Variants in RASGEF1A observed in about 807,000 individuals in gnomAD.
The protein encoded by RASGEF1A is RasGEF domain family member 1A.
A neutral mutation model predicts 56.4 loss-of-function variants in RASGEF1A; 18 were observed. That is an observed-to-expected ratio of 0.32 (90% CI 0.22 to 0.47). The LOEUF (loss-of-function observed/expected upper bound fraction) is 0.47. Among genes scored for constraint, RASGEF1A ranks in the 20% least tolerant of loss-of-function variants. The pLI, the probability that RASGEF1A is intolerant of heterozygous loss-of-function variation, is 1.00. For synonymous variants in RASGEF1A, 245 were observed against 242.6 expected, an observed-to-expected ratio of 1.01 and a Z score of -0.09; for missense variants, 422 against 627.1, an observed-to-expected ratio of 0.67 and a Z score of 3.49.
intron 2 of RASGEF1A, chr10:43,203,634 C>A: frequency 8.3e-7 from 1 of 1,198,790 alleles, no homozygotes; most frequent in East Asian, 3.7e-5. Flanking sequence ...GCTCGAGCCC[C>A]GCCTCCCAGC....
Position 43,196,920 on chromosome 10 carries a change from C to T in RASGEF1A, c.1348+56G>A. The T allele has an allele frequency of 3.1e-6, 5 of 1,599,632 alleles. No homozygotes were observed. Among genetic ancestry groups the T allele is most frequent in the Non-Finnish European group, 4.3e-6 (5 of 1,174,054 alleles). ...AGGGCAACCCCAAAGAGCACCGGGCCTGGACAAGGAGTCAGGTGGGGTGGG... is the reference window on the plus strand; with the variant it reads ...AGGGCAACCCCAAAGAGCACCGGGCTTGGACAAGGAGTCAGGTGGGGTGGG... On this transcript the variant is annotated intron_variant, in intron 11 of 12. Transcript: ENST00000395810. The surrounding 1 kb of genome is among the most constrained non-coding windows in gnomAD (Gnocchi z 4.6).
intron 1 of RASGEF1A, among the ~76,000 whole-genome samples, chr10:43,249,786 C>G (rs997469611): frequency 4.6e-5 from 7 of 152,196 alleles, no homozygotes; most frequent in African/African-American, 1.7e-4. Flanking sequence ...AGAGTGTCCC[C>G]CAATCCTCAG....
intron 1 of RASGEF1A, among the ~76,000 whole-genome samples, chr10:43,266,171 C>T (rs1246709694): frequency 6.6e-6 from 1 of 152,218 alleles, no homozygotes; most frequent in Non-Finnish European, 1.5e-5. Flanking sequence ...CAGCAGGGGA[C>T]TCCCGCCCCC....
intron 1 of RASGEF1A, chr10:43,229,512 CGGGTCCTCAGGGCG>C (rs1280944813): frequency 9.8e-6 from 7 of 711,086 alleles, no homozygotes; most frequent in African/African-American, 3.8e-5. Context: ...GGGCGGCGCG[CGGGTCCTCAGGGCG>C]GGCACCCTCC....
chr10:43,208,823 T>C (rs1253848068), intron 1 of RASGEF1A: 6 of 985,348 alleles, frequency 6.1e-6, no homozygotes, highest in Non-Finnish European at 7.2e-6. Context: ...TCTCCAGGGC[T>C]CAGTGCCAAG....
intron 4 of RASGEF1A, among the ~76,000 whole-genome samples, chr10:43,201,235 T>C (rs766244287): frequency 2.1e-4 from 32 of 152,142 alleles, no homozygotes; most frequent in Non-Finnish European, 4.4e-4. Flanking sequence ...GTTTAAGGCA[T>C]GGGAAAGGCT....
At chr10:43,200,455 C>T (rs1839876372) in intron 5 of RASGEF1A, among the ~76,000 whole-genome samples, 199 bp from the exon 6 acceptor site, 1 of 152,248 alleles carries the variant, frequency 6.6e-6, no homozygotes, top group Admixed American at 6.5e-5. Context: ...ACTGACACAG[C>T]ACTGCTGTGT....
chr10:43,219,608 A>G (rs1840181344), intron 1 of RASGEF1A, among the ~76,000 whole-genome samples: 1 of 152,158 alleles, frequency 6.6e-6, no homozygotes, highest in African/African-American at 2.4e-5. Flanking sequence ...CCAGCCCTGG[A>G]GTCAGCCCCG....
At chr10:43,263,930 C>T (rs569861578) in intron 1 of RASGEF1A, among the ~76,000 whole-genome samples, 7 of 152,240 alleles carry the variant, frequency 4.6e-5, no homozygotes, top group South Asian at 2.1e-4. Context: ...GCACAGGCCC[C>T]GCTTGAGTCC....
chr10:43,254,062 C>G (rs528698416), intron 1 of RASGEF1A, among the ~76,000 whole-genome samples: 1 of 152,202 alleles, frequency 6.6e-6, no homozygotes, highest in Non-Finnish European at 1.5e-5. Flanking sequence ...AGAGGGCAGA[C>G]GGAGACTCAC....
intron 1 of RASGEF1A, among the ~76,000 whole-genome samples, chr10:43,230,652 G>A (rs1012497155): frequency 1.3e-5 from 2 of 152,144 alleles, no homozygotes; most frequent in African/African-American, 4.8e-5. Flanking sequence ...GAGAGGCTCT[G>A]ACAACTCTGG....
intron 1 of RASGEF1A, among the ~76,000 whole-genome samples, chr10:43,213,608 C>T (rs761733165): frequency 6.6e-6 from 1 of 152,152 alleles, no homozygotes; most frequent in African/African-American, 2.4e-5. Flanking sequence ...GCAGCCTCTT[C>T]AAGGACGTTG....
At chr10:43,233,891 G>A (rs979979514) in intron 1 of RASGEF1A, among the ~76,000 whole-genome samples, 5 of 152,154 alleles carry the variant, frequency 3.3e-5, no homozygotes, top group East Asian at 1.9e-4. Context: ...GGTTTCCACC[G>A]AGCTGTGGCA....
chr10:43,205,453 G>A (rs1021507672), intron 2 of RASGEF1A, among the ~76,000 whole-genome samples: 1 of 152,138 alleles, frequency 6.6e-6, no homozygotes, highest in Non-Finnish European at 1.5e-5. Context: ...AGGGCAGGCC[G>A]GGCCATCTCC....
intron 1 of RASGEF1A, among the ~76,000 whole-genome samples, chr10:43,219,621 G>A (rs902739920): frequency 1.3e-5 from 2 of 152,212 alleles, no homozygotes; most frequent in African/African-American, 4.8e-5. Context: ...CAGCCCCGAA[G>A]CAGCAGCCCA....
chr10:43,242,974 G>A (rs997280088), intron 1 of RASGEF1A, among the ~76,000 whole-genome samples: 4 of 152,094 alleles, frequency 2.6e-5, no homozygotes, highest in Admixed American at 1.3e-4. Context: ...AGTGAGCAGC[G>A]TCTCTGCCTG....
intron 8 of RASGEF1A, 30 bp from the exon 9 acceptor site, chr10:43,199,042 C>CGGGGCG: frequency 1.4e-6 from 1 of 713,450 alleles, no homozygotes; most frequent in African/African-American, 2.2e-5. Context: ...GGGTCAGGGC[C>CGGGGCG]GGGGGGGTGG....
chr10:43,224,859 T>G (rs1282789958), intron 1 of RASGEF1A, among the ~76,000 whole-genome samples: 1 of 152,238 alleles, frequency 6.6e-6, no homozygotes, highest in Non-Finnish European at 1.5e-5. Flanking sequence ...AAAAATCTGT[T>G]CAAACTAGTA....
chr10:43,203,642 A>G, intron 2 of RASGEF1A: 2 of 1,214,390 alleles, frequency 1.6e-6, no homozygotes, highest in Non-Finnish European at 2.1e-6. Context: ...CCCGCCTCCC[A>G]GCAGCTCTCC....
Sources: gnomAD v4.1 joint callset for allele counts (sites outside exome capture counted in the v4.1 genomes callset) on GRCh38, gnomAD v4.1.1 for gene constraint, Gnocchi (gnomAD v3.1) non-coding constraint, MANE v1.5 for transcripts, NCBI Gene and HGNC (gene_info 2026-07-23, HGNC 2026-07-21) for gene names.